Variants in RANBP17 observed in about 807,000 individuals in gnomAD.
RANBP17 encodes the protein RAN binding protein 17.
RANBP17 carries 158 observed loss-of-function variants against 141.2 expected under a neutral mutation model. That is an observed-to-expected ratio of 1.12 (90% CI 0.98 to 1.28). The LOEUF is 1.28. RANBP17 is among the 50% of genes most tolerant of loss of function. The pLI, the probability that RANBP17 is intolerant of heterozygous loss-of-function variation, is 0.00. For synonymous variants in RANBP17, 430 were observed against 450.0 expected (o/e 0.96, Z 0.56); for missense variants, 1,438 against 1,290.7 (o/e 1.11, Z -1.75).
intron 14 of RANBP17, among the ~76,000 whole-genome samples, chr5:171,147,337 TTTTGTGTGTG>T (rs1349465592): frequency 4.4e-5 from 3 of 68,490 alleles, no homozygotes; most frequent in African/African-American, 1.2e-4. Context: ...TTCTTGGTTG[TTTTGTGTGTG>T]TGTGTGTGTG....
chr5:171,137,014 C>T (rs1198391869), intron 14 of RANBP17, among the ~76,000 whole-genome samples: 5 of 152,024 alleles, frequency 3.3e-5, no homozygotes, highest in Non-Finnish European at 7.4e-5. Context: ...ACCTTTTATT[C>T]TGCTTCTGAT....
chr5:171,154,777 C>G (rs1207163036), intron 14 of RANBP17, among the ~76,000 whole-genome samples: 1 of 151,962 alleles, frequency 6.6e-6, no homozygotes, highest in Non-Finnish European at 1.5e-5. Flanking sequence ...ATTTTGCCAT[C>G]TAAAGTATTG....
At chr5:171,298,432 T>C (rs1185259555) in intron 27 of RANBP17, among the ~76,000 whole-genome samples, 1 of 152,252 alleles carries the variant, frequency 6.6e-6, no homozygotes, top group Non-Finnish European at 1.5e-5. Context: ...AAACTTTTGT[T>C]CTTTTTTTTA....
intron 14 of RANBP17, among the ~76,000 whole-genome samples, chr5:171,151,483 A>G (rs1434435571): frequency 6.6e-6 from 1 of 152,244 alleles, no homozygotes; most frequent in Non-Finnish European, 1.5e-5. Context: ...AATAAAATTT[A>G]CAGAACTTCT....
intron 14 of RANBP17, among the ~76,000 whole-genome samples, chr5:171,162,199 A>C (rs1759400672): frequency 6.6e-6 from 1 of 152,180 alleles, no homozygotes; most frequent in African/African-American, 2.4e-5. Flanking sequence ...TATCCATAGA[A>C]GACTAGTTTA....
At chr5:171,148,539 G>A (rs1007718434) in intron 14 of RANBP17, among the ~76,000 whole-genome samples, 1 of 151,898 alleles carries the variant, frequency 6.6e-6, no homozygotes, top group African/African-American at 2.4e-5. Flanking sequence ...TCAGATACTT[G>A]TAAATAGTGT....
intron 14 of RANBP17, among the ~76,000 whole-genome samples, chr5:171,083,822 C>CATA (rs1386834044): frequency 1.3e-5 from 2 of 152,098 alleles, no homozygotes; most frequent in Non-Finnish European, 2.9e-5. Flanking sequence ...AGTTTCCTTA[C>CATA]ATAAGCTCCT....
In RANBP17 at chr5:171,076,466, A is replaced by G. The variant is rs534614823; in HGVS notation, c.1711-93664A>G. Among the ~76,000 whole-genome samples, 15 of 152,350 alleles carry G rather than the reference A, an allele frequency of 9.8e-5. 1 individual carries two copies. The highest frequency in any genetic ancestry group is 3.4e-4 in the African/African-American group (14 of 41,582). On this transcript the variant is annotated intron_variant, in intron 14 of 27. Coordinates refer to ENST00000523189, the MANE Select transcript of RANBP17 (RefSeq NM_022897.5). Reference sequence around the variant, plus strand: ...CTGAATAGGCCTAGAAATAAGAACCACTTCAGCAATAATGAAATGTGACTA... The same window carrying G: ...CTGAATAGGCCTAGAAATAAGAACCGCTTCAGCAATAATGAAATGTGACTA...
chr5:171,089,372 C>G (rs1261034954), intron 14 of RANBP17, among the ~76,000 whole-genome samples: 11 of 149,702 alleles, frequency 7.3e-5, no homozygotes, highest in Admixed American at 1.3e-4. Context: ...AGCTGTCAGA[C>G]AGGGACATTT....
chr5:171,035,742 T>G (rs1462236378), intron 14 of RANBP17, among the ~76,000 whole-genome samples: 213 of 123,676 alleles, frequency 1.7e-3, no homozygotes, highest in African/African-American at 9.2e-3. Flanking sequence ...TTTTTGTTTT[T>G]TTTTTTTTTT....
chr5:170,952,708 A>G (rs866030049), intron 12 of RANBP17, among the ~76,000 whole-genome samples: 5 of 152,088 alleles, frequency 3.3e-5, no homozygotes, highest in Admixed American at 2.0e-4. Context: ...TTTCAGTATT[A>G]TGAAATAGCC....
chr5:170,913,779 A>ATAGCTAAGTT (rs1435292963), intron 7 of RANBP17, among the ~76,000 whole-genome samples: 2 of 151,958 alleles, frequency 1.3e-5, no homozygotes, highest in African/African-American at 4.8e-5. Flanking sequence ...GAATGTAACT[A>ATAGCTAAGTT]TAGCTAAGTT....
chr5:170,955,594 A>C (rs1746236623), intron 13 of RANBP17, among the ~76,000 whole-genome samples: 1 of 87,368 alleles, frequency 1.1e-5, no homozygotes, highest in Non-Finnish European at 2.2e-5. Flanking sequence ...ATATATATAT[A>C]TATATATATA....
At chr5:170,932,470 ATCCCTG>A (rs1773473939) in intron 12 of RANBP17, among the ~76,000 whole-genome samples, 1 of 152,216 alleles carries the variant, frequency 6.6e-6, no homozygotes, top group African/African-American at 2.4e-5. Context: ...GAGAGAGGGC[ATCCCTG>A]TCTTGTGCCA....
intron 25 of RANBP17, among the ~76,000 whole-genome samples, chr5:171,277,938 CTTTTTTTTTTTTTTTTTTT>C (rs140208253): frequency 1.4e-5 from 1 of 72,266 alleles, no homozygotes; most frequent in African/African-American, 5.7e-5. Flanking sequence ...GGACTTCTTT[CTTTTTTTTTTTTTTTTTTT>C]TTTTTTTTTT....
At chr5:170,997,054 C>T (rs935583103) in intron 14 of RANBP17, among the ~76,000 whole-genome samples, 2 of 152,036 alleles carry the variant, frequency 1.3e-5, no homozygotes, top group Non-Finnish European at 2.9e-5. Flanking sequence ...GGGGCAGTTT[C>T]CCCCCATGCT....
At chr5:171,188,188 G>GT (rs1231647587) in intron 18 of RANBP17, among the ~76,000 whole-genome samples, 1 of 152,200 alleles carries the variant, frequency 6.6e-6, no homozygotes, top group African/African-American at 2.4e-5. Flanking sequence ...ACTTGGCTAA[G>GT]TGACAACTAG....
At chr5:171,293,288 G>A (rs1768615177) in intron 25 of RANBP17, among the ~76,000 whole-genome samples, 1 of 152,154 alleles carries the variant, frequency 6.6e-6, no homozygotes, top group Admixed American at 6.5e-5. Flanking sequence ...TCTCCCCTAT[G>A]GATCTTACAG....
intron 3 of RANBP17, among the ~76,000 whole-genome samples, chr5:170,883,895 A>G (rs756009367): frequency 6.6e-6 from 1 of 152,220 alleles, no homozygotes; most frequent in Non-Finnish European, 1.5e-5. Flanking sequence ...ACAATTATGA[A>G]TAAAGCTGCT....
Sources: allele counts gnomAD v4.1 joint callset (sites outside exome capture counted in the v4.1 genomes callset), GRCh38; gene constraint gnomAD v4.1.1; transcripts MANE v1.5; gene names NCBI Gene and HGNC (gene_info 2026-07-23, HGNC 2026-07-21).